EP400: variants seen among roughly 807,000 people sequenced by gnomAD.
EP400 encodes E1A binding protein p400, also known as E1A-binding protein p400.
In EP400, 105 loss-of-function variants were observed where a neutral mutation model predicts 354.1. The ratio of observed to expected loss-of-function variants is 0.30; its 90% CI spans 0.25 to 0.35. The LOEUF (loss-of-function observed/expected upper bound fraction) is 0.35, where lower values mean the gene tolerates loss of function less well. Among genes scored for constraint, EP400 ranks in the 10% least tolerant of loss-of-function variants. The pLI is 1.00. For synonymous variants in EP400, 1,646 were observed against 1,716.9 expected (o/e 0.96, Z 1.02); for missense variants, 3,280 against 4,121.0 (o/e 0.80, Z 5.59).
At chr12:131,997,242 T>G (rs1429798584) in intron 12 of EP400, among the ~76,000 whole-genome samples, 1 of 152,058 alleles carries the variant, frequency 6.6e-6, no homozygotes, top group South Asian at 2.1e-4. Context: ...AAACAGTCGA[T>G]GAACACATAT....
chr12:132,042,497 T>C (rs1160899108), intron 32 of EP400, among the ~76,000 whole-genome samples: 1 of 152,222 alleles, frequency 6.6e-6, no homozygotes, highest in Non-Finnish European at 1.5e-5. Context: ...GGCATCCTCC[T>C]CTATTTTCTT....
intron 16 of EP400, 59 bp downstream of exon 16, chr12:132,011,693 A>G: frequency 6.5e-7 from 1 of 1,534,188 alleles, no homozygotes; most frequent in Non-Finnish European, 8.8e-7. Context: ...ATTTTTATAA[A>G]AGACACATTA....
At position 132,067,556 on chromosome 12, in the gene EP400, C is replaced by T. The variant is rs1264240702; in HGVS notation, c.8874+70C>T. ...AAAGCTGGCTGCTGGAGGAGAGGGT[C>T]CTAAGCAGACAAATCCCCATGTGGC... On this transcript the variant is annotated intron_variant, in intron 50 of 52. Coordinates refer to ENST00000389561, the MANE Select transcript of EP400 (RefSeq NM_015409.5). This position sits in a 1 kb window ranked among gnomAD's most constrained non-coding sequence, Gnocchi z 5.3. 4.5e-6 allele frequency: 7 copies of T among 1,554,364 alleles called. No individual in the cohort carries two copies. The highest frequency in any genetic ancestry group is 1.4e-5 in the African/African-American group (1 of 73,520).
Position 132,067,274 on chromosome 12 carries a change from G to C in EP400, c.8750-88G>C. ...AGAGTTTCATAGTTTGTTATTTTCTGTAGAGGTGAGTCAGTTGGAACAGAG... is the reference window on the plus strand; with the variant it reads ...AGAGTTTCATAGTTTGTTATTTTCTCTAGAGGTGAGTCAGTTGGAACAGAG... On this transcript the variant is annotated intron_variant, in intron 49 of 52. Coordinates refer to ENST00000389561, the MANE Select transcript of EP400 (RefSeq NM_015409.5). The surrounding 1 kb of genome is among the most constrained non-coding windows in gnomAD (Gnocchi z 5.3). 6.5e-7 allele frequency: 1 copy of C among 1,534,580 alleles called. No individual in the cohort carries two copies. Among genetic ancestry groups the C allele is most frequent in the East Asian group, 2.3e-5 (1 of 43,874 alleles).
chr12:132,044,963 C>T lies in EP400; in HGVS notation c.6784+10C>T, dbSNP rs754974213. 9 of 1,613,192 alleles carry T rather than the reference C, an allele frequency of 5.6e-6. No homozygotes were observed. Among genetic ancestry groups the T allele is most frequent in the South Asian group, 3.3e-5 (3 of 91,044 alleles). ...AAAACAGACCCCTCAGGTGCGCATC[C>T]CGAGGGCGTCACATGACCTGGGGGG... On this transcript the variant is annotated intron_variant, in intron 37 of 52. Coordinates refer to ENST00000389561, the MANE Select transcript of EP400 (RefSeq NM_015409.5).
At chr12:131,999,994 T>A (rs1289964134) in intron 12 of EP400, among the ~76,000 whole-genome samples, 1 of 150,910 alleles carries the variant, frequency 6.6e-6, no homozygotes, top group African/African-American at 2.4e-5. Context: ...TTTTTTTTTT[T>A]AATCTGGCGC....
intron 42 of EP400, 37 bp downstream of exon 42, chr12:132,053,261 TGTG>T (rs1474027637): frequency 3.1e-6 from 5 of 1,611,138 alleles, no homozygotes; most frequent in Non-Finnish European, 4.2e-6. Context: ...AGTGGGAAAA[TGTG>T]GTGACTGTGA....
Position 132,029,607 on chromosome 12 carries a change from A to G in EP400, c.5382-94A>G. On this transcript the variant is annotated intron_variant, in intron 27 of 52. Coordinates refer to ENST00000389561, the MANE Select transcript of EP400 (RefSeq NM_015409.5). This position sits in a 1 kb window ranked among gnomAD's most constrained non-coding sequence, Gnocchi z 4.7. The stretch of plus-strand genomic sequence containing the variant: ...AGCCCTGCTGTTTCCTGGGACTTGG[A>G]CTGTCAGAAGTCTGCCCCATCTTTC... 1 of 1,368,860 alleles carries G rather than the reference A, an allele frequency of 7.3e-7. No homozygotes were observed. The highest frequency in any genetic ancestry group is 1.8e-5 in the Admixed American group (1 of 54,446). The allele number at this position is 1,368,860 out of a possible 1,614,324, so 84.8% of individuals were successfully genotyped here. A position where few individuals can be genotyped will look rare whatever the true frequency, so the allele number is the denominator to read the frequency against.
chr12:131,954,044 CAG>C (rs1408756698), intron 1 of EP400, among the ~76,000 whole-genome samples: 1 of 151,944 alleles, frequency 6.6e-6, no homozygotes, highest in African/African-American at 2.4e-5. Context: ...GCCCAGGAGA[CAG>C]AGGTTGCAGT....
At position 132,062,584 on chromosome 12, in the gene EP400, G is replaced by GCAGCAGCAGCAGCAA. The variant is rs763599823; in HGVS notation, c.8225_8226insGCAGCAACAGCAGCA (p.Gln2744_Gln2748dup). 3.7e-6 allele frequency: 6 copies of GCAGCAGCAGCAGCAA among 1,600,694 alleles called. No individual in the cohort carries two copies. Among genetic ancestry groups the GCAGCAGCAGCAGCAA allele is most frequent in the South Asian group, 3.3e-5 (3 of 89,854 alleles). ...AGCAGCAGCAGCAGCAGCAGCAGCAGCAGCAGCAACAGCAGCAGCAGCAAC... is the reference window on the plus strand; with the variant it reads ...AGCAGCAGCAGCAGCAGCAGCAGCAGCAGCAGCAGCAGCAACAGCAGCAACAGCAGCAGCAGCAAC... On this transcript the variant is annotated inframe_insertion, in exon 47 of 53. Coordinates refer to ENST00000389561, the MANE Select transcript of EP400 (RefSeq NM_015409.5).
chr12:132,027,385 A>C lies in EP400; in HGVS notation c.5015-52A>C, dbSNP rs1344893812. 6.3e-7 allele frequency: 1 copy of C among 1,588,582 alleles called. No homozygotes were observed. The highest frequency in any genetic ancestry group is 8.6e-7 in the Non-Finnish European group (1 of 1,157,522). Reference sequence around the variant, plus strand: ...CCATGGAGCATGCTGGTGTCAGATGAAATCCTGTGAACTTGGCGTTCCTTT... The same window carrying C: ...CCATGGAGCATGCTGGTGTCAGATGCAATCCTGTGAACTTGGCGTTCCTTT... On this transcript the variant is annotated intron_variant, in intron 25 of 52. Coordinates refer to ENST00000389561, the MANE Select transcript of EP400 (RefSeq NM_015409.5). This position sits in a 1 kb window ranked among gnomAD's most constrained non-coding sequence, Gnocchi z 4.9.
intron 51 of EP400, among the ~76,000 whole-genome samples, chr12:132,073,862 G>T (rs1896140859): frequency 7.0e-6 from 1 of 142,758 alleles, no homozygotes; most frequent in Admixed American, 7.1e-5. Context: ...TGTCACTCTT[G>T]TTCCTGAGAG....
At chr12:132,026,113 C>T (rs1430832222) in intron 25 of EP400, among the ~76,000 whole-genome samples, 3 of 152,138 alleles carry the variant, frequency 2.0e-5, no homozygotes, top group Non-Finnish European at 2.9e-5. Context: ...CAGTGTGCTC[C>T]GTTTCCCCTG....
chr12:132,031,901 G>C, intron 29 of EP400, 52 bp from the exon 30 acceptor site: 1 of 1,538,908 alleles, frequency 6.5e-7, no homozygotes, highest in Non-Finnish European at 8.8e-7. Flanking sequence ...CGTGTCAAAG[G>C]TTTCCCAACA....
chr12:132,043,909 C>A (rs1457849627), intron 34 of EP400, among the ~76,000 whole-genome samples, 181 bp downstream of exon 34: 1 of 152,056 alleles, frequency 6.6e-6, no homozygotes, highest in African/African-American at 2.4e-5. Context: ...AGCTTGTTCA[C>A]CCCCACGTAG....
intron 48 of EP400, 83 bp from the exon 49 acceptor site, chr12:132,066,691 C>T (rs1895903988): frequency 2.9e-6 from 4 of 1,395,052 alleles, no homozygotes; most frequent in Admixed American, 4.8e-5. Flanking sequence ...TTTCTCATGG[C>T]ATGACCTCTT....
rs1438416800 is a variant in EP400 at position 132,029,489 on chromosome 12, C to T, written c.5382-212C>T. On this transcript the variant is annotated intron_variant, in intron 27 of 52. Transcript: ENST00000389561. The surrounding 1 kb of genome is among the most constrained non-coding windows in gnomAD (Gnocchi z 4.7). ...GCCCTGGACTGTCTGAATTAGTCCC[C>T]GAGGTGGTGGTTATTGGCCAGGACT... 12 of 602,486 alleles carry T rather than the reference C, an allele frequency of 2.0e-5. No homozygotes were observed. Among genetic ancestry groups the T allele is most frequent in the African/African-American group, 3.7e-5 (2 of 53,912 alleles). The allele number at this position is 602,486 out of a possible 1,614,324, so 37.3% of individuals were successfully genotyped here.
rs1895056481 is a variant in EP400 at position 132,045,353 on chromosome 12, G to A, written c.6819G>A (p.Glu2273=). ...AGRKKKQRHG[E]AVVPPRSLFD... ...GGAAGAAGAAGCAGCGTCACGGGGA[G>A]GCGGTCGTCCCTCCTCGGTCCCTGT... Residue 2273 remains glutamate (E), a synonymous_variant, in exon 38 of 53, where the codon GAG becomes GAA. Coordinates refer to ENST00000389561, the MANE Select transcript of EP400 (RefSeq NM_015409.5). 6.2e-7 allele frequency: 1 copy of A among 1,614,136 alleles called. No individual in the cohort carries two copies. Among genetic ancestry groups the A allele is most frequent in the African/African-American group, 1.3e-5 (1 of 74,952 alleles).
Position 132,076,540 on chromosome 12 carries a change from C to G in EP400, c.9046C>G (p.Gln3016Glu), listed in dbSNP as rs1896245196. 6.2e-7 allele frequency: 1 copy of G among 1,613,970 alleles called. No individual in the cohort carries two copies. The part of the protein sequence containing the change: ...IQVAKLPQVV[Q>E]QQTPVASIQQ... ...GGTTGCAAAACTTCCTCAAGTTGTT[C>G]AACAGCAAACACCCGTGGCCAGCAT... Residue 3016 changes from glutamine to glutamate, a missense_variant, in exon 52 of 53, where the codon CAA becomes GAA. By Grantham distance (29) the Gln-to-Glu change is conservative. Around this residue, in one of 20 missense-constraint regions of EP400, gnomAD observed 279 missense variants for 386.7 expected, o/e 0.72. Coordinates refer to ENST00000389561, the MANE Select transcript of EP400 (RefSeq NM_015409.5).
Sources: allele counts gnomAD v4.1 joint callset (sites outside exome capture counted in the v4.1 genomes callset), GRCh38; gene constraint gnomAD v4.1.1; regional missense constraint gnomAD v4.1.1; non-coding constraint Gnocchi (gnomAD v3.1); transcripts MANE v1.5; gene names NCBI Gene and HGNC (gene_info 2026-07-23, HGNC 2026-07-21).